PDLIM5: variants seen among roughly 807,000 people sequenced by gnomAD.
PDLIM5 encodes PDZ and LIM domain protein 5.
PDLIM5 carries 34 observed loss-of-function variants against 64.2 expected under a neutral mutation model. The observed-to-expected ratio is 0.53, with a 90% CI of 0.40 to 0.71. The LOEUF (loss-of-function observed/expected upper bound fraction) is 0.71. Ranked by LOEUF, PDLIM5 falls within the 30% of genes least tolerant of loss-of-function variation. PDLIM5 has a pLI of 0.00. For synonymous variants in PDLIM5, 253 were observed against 269.1 expected, an observed-to-expected ratio of 0.94 and a Z score of 0.59; for missense variants, 683 against 733.6, an observed-to-expected ratio of 0.93 and a Z score of 0.80.
intron 2 of PDLIM5, chr4:94,456,459 A>G (rs1383398535): frequency 2.9e-6 from 2 of 699,602 alleles, no homozygotes; most frequent in Non-Finnish European, 5.2e-6. Flanking sequence ...CGGCCTCCCA[A>G]AGTGCTAAGA....
intron 3 of PDLIM5, 113 bp from the exon 4 acceptor site, chr4:94,573,238 C>T: frequency 1.4e-6 from 1 of 722,074 alleles, no homozygotes; most frequent in African/African-American, 1.8e-5. Flanking sequence ...CGATACATTC[C>T]AGTGATTCAG....
rs368670861 is a variant in PDLIM5 at position 94,640,753 on chromosome 4, C to T, written c.1283+303C>T. 4.6e-5 allele frequency among the ~76,000 whole-genome samples: 7 copies of T among 152,114 alleles called. 1 individual carries two copies. The highest frequency in any genetic ancestry group is 1.7e-4 in the African/African-American group (7 of 41,512). ...TTCAGAGAATAATAAAATTTTAAGA[C>T]TCAAAGGGACCCTGAAAGTCATTTA... On this transcript the variant is annotated intron_variant, in intron 9 of 12. Coordinates refer to ENST00000317968, the MANE Select transcript of PDLIM5 (RefSeq NM_006457.5).
chr4:94,661,573 C>T (rs1259622847), intron 11 of PDLIM5, among the ~76,000 whole-genome samples: 3 of 152,104 alleles, frequency 2.0e-5, no homozygotes, highest in Non-Finnish European at 4.4e-5. Flanking sequence ...GAAAATACAG[C>T]AAAATAAATT....
chr4:94,574,153 C>T (rs551563186), intron 4 of PDLIM5, among the ~76,000 whole-genome samples: 38 of 152,228 alleles, frequency 2.5e-4, no homozygotes, highest in African/African-American at 7.9e-4. Context: ...TGTATTGATT[C>T]GTGTGGGCAC....
intron 9 of PDLIM5, among the ~76,000 whole-genome samples, chr4:94,648,609 C>T (rs1391310104): frequency 6.6e-6 from 1 of 152,166 alleles, no homozygotes; most frequent in Non-Finnish European, 1.5e-5. Context: ...CAGTGTCCCA[C>T]AGTTTCTGTG....
At chr4:94,654,227 G>A (rs887654337) in intron 9 of PDLIM5, among the ~76,000 whole-genome samples, 1 of 152,018 alleles carries the variant, frequency 6.6e-6, no homozygotes, top group African/African-American at 2.4e-5. Context: ...AAAAAGGGTG[G>A]GGAGTGCCCT....
chr4:94,583,253 A>G (rs191975318), intron 5 of PDLIM5, among the ~76,000 whole-genome samples: 1 of 152,280 alleles, frequency 6.6e-6, no homozygotes, highest in East Asian at 1.9e-4. Context: ...TGTGGTAAAC[A>G]ACACAAAGAA....
At chr4:94,582,729 T>G (rs781118249) in intron 5 of PDLIM5, 2 of 1,576,122 alleles carry the variant, frequency 1.3e-6, no homozygotes, top group Non-Finnish European at 1.7e-6. Flanking sequence ...ACCCTGGCAC[T>G]GTGTAAGTAC....
intron 7 of PDLIM5, among the ~76,000 whole-genome samples, chr4:94,593,370 C>T (rs1736821236): frequency 6.6e-6 from 1 of 152,126 alleles, no homozygotes; most frequent in Non-Finnish European, 1.5e-5. Context: ...TTAGGTGGGA[C>T]AGTAGAAACT....
At chr4:94,481,886 G>A (rs1021002841) in intron 2 of PDLIM5, among the ~76,000 whole-genome samples, 10 of 152,166 alleles carry the variant, frequency 6.6e-5, no homozygotes, top group Non-Finnish European at 1.5e-4. Context: ...TTGGATTACA[G>A]GTGTGAGCCA....
intron 8 of PDLIM5, among the ~76,000 whole-genome samples, chr4:94,626,796 G>GC (rs1553972008): frequency 7.0e-6 from 1 of 142,390 alleles, no homozygotes; most frequent in Non-Finnish European, 1.5e-5. Flanking sequence ...GTGTTTTTTT[G>GC]TTTTTTTTTT....
chr4:94,608,276 G>C (rs904858513), intron 7 of PDLIM5: 9 of 797,044 alleles, frequency 1.1e-5, no homozygotes, highest in Non-Finnish European at 1.7e-5. Flanking sequence ...GTTGATTACA[G>C]AACGGACATC....
intron 7 of PDLIM5, among the ~76,000 whole-genome samples, chr4:94,604,057 A>G (rs1737714513): frequency 6.6e-6 from 1 of 152,188 alleles, no homozygotes; most frequent in African/African-American, 2.4e-5. Context: ...TGTTAAAGCT[A>G]CAGGACAGAG....
intron 3 of PDLIM5, among the ~76,000 whole-genome samples, chr4:94,562,714 T>C (rs1446244393): frequency 6.6e-6 from 1 of 152,192 alleles, no homozygotes; most frequent in Non-Finnish European, 1.5e-5. Flanking sequence ...GGTCATTTCT[T>C]AATCTATTAG....
chr4:94,563,958 C>CTTTTTTTTTTTTTTTT (rs796820308), intron 3 of PDLIM5, among the ~76,000 whole-genome samples: 2 of 119,360 alleles, frequency 1.7e-5, no homozygotes, highest in African/African-American at 3.2e-5. Flanking sequence ...TTCTTTCTTT[C>CTTTTTTTTTTTTTTTT]TTTTTTTTTT....
At chr4:94,455,742 T>C in intron 2 of PDLIM5, 1 of 1,492,560 alleles carries the variant, frequency 6.7e-7, no homozygotes, top group East Asian at 2.5e-5. Flanking sequence ...AATAATCTCT[T>C]TCAGTTCCAA....
chr4:94,587,815 T>C (rs554807885), intron 7 of PDLIM5: 19 of 883,120 alleles, frequency 2.2e-5, no homozygotes, highest in Non-Finnish European at 2.3e-5. Context: ...TTTTAGAATA[T>C]AGACAATTTC....
At chr4:94,454,072 T>C (rs1723106941) in intron 1 of PDLIM5, among the ~76,000 whole-genome samples, 1 of 152,200 alleles carries the variant, frequency 6.6e-6, no homozygotes, top group Non-Finnish European at 1.5e-5. Context: ...TCTGCAACTA[T>C]GAATTTGGGG....
intron 5 of PDLIM5, chr4:94,577,526 C>CT: frequency 3.4e-6 from 1 of 293,942 alleles, no homozygotes; most frequent in South Asian, 3.1e-5. Flanking sequence ...GTTATTGTTT[C>CT]TTTCATGTGA....
Sources: allele counts gnomAD v4.1 joint callset (sites outside exome capture counted in the v4.1 genomes callset), GRCh38; gene constraint gnomAD v4.1.1; transcripts MANE v1.5; gene names NCBI Gene and HGNC (gene_info 2026-07-23, HGNC 2026-07-21).